PRDM6: variants seen among roughly 807,000 people sequenced by gnomAD.
PRDM6 encodes the protein PR/SET domain 6, also known as putative histone-lysine N-methyltransferase PRDM6.
A neutral mutation model predicts 60.8 loss-of-function variants in PRDM6; 25 were observed. The ratio of observed to expected loss-of-function variants is 0.41; its 90% CI spans 0.30 to 0.57. The LOEUF is 0.57. Ranked by LOEUF, PRDM6 falls within the 20% of genes least tolerant of loss-of-function variation. The pLI is 0.27. For synonymous variants in PRDM6, 407 were observed against 357.4 expected, an observed-to-expected ratio of 1.14 and a Z score of -1.57; for missense variants, 839 against 821.3, an observed-to-expected ratio of 1.02 and a Z score of -0.26.
intron 3 of PRDM6, among the ~76,000 whole-genome samples, chr5:123,119,555 C>G (rs904554989): frequency 1.1e-4 from 17 of 152,152 alleles, no homozygotes; most frequent in African/African-American, 7.2e-5. Context: ...GGCCCTGCCC[C>G]CTCTTGGAAT....
chr5:123,096,280 A>G (rs1003602183), intron 2 of PRDM6, among the ~76,000 whole-genome samples: 1 of 150,418 alleles, frequency 6.6e-6, no homozygotes, highest in Non-Finnish European at 1.5e-5. Context: ...GTGTGTGTAT[A>G]TATAATATAA....
intron 3 of PRDM6, among the ~76,000 whole-genome samples, chr5:123,103,381 A>T (rs558219032): frequency 6.6e-6 from 1 of 152,088 alleles, no homozygotes; most frequent in South Asian, 2.1e-4. Flanking sequence ...TACAAGGTGC[A>T]TCAGACAATG....
intron 3 of PRDM6, among the ~76,000 whole-genome samples, chr5:123,130,280 CCCCTT>C (rs1309357773): frequency 1.1e-5 from 1 of 88,242 alleles, no homozygotes; most frequent in Non-Finnish European, 2.3e-5. Flanking sequence ...CCTTTCCTCT[CCCCTT>C]CCCTTCCCTC....
chr5:123,154,628 G>C (rs116725327), intron 3 of PRDM6, among the ~76,000 whole-genome samples: 1 of 152,304 alleles, frequency 6.6e-6, no homozygotes, highest in African/African-American at 2.4e-5. Context: ...GAACTGCTGA[G>C]CTAAACTAAT....
At chr5:123,153,729 G>A (rs1242940680) in intron 3 of PRDM6, among the ~76,000 whole-genome samples, 12 of 152,084 alleles carry the variant, frequency 7.9e-5, no homozygotes, top group Admixed American at 7.9e-4. Flanking sequence ...AGAGTGTAGG[G>A]GGAAACACTT....
intron 3 of PRDM6, among the ~76,000 whole-genome samples, chr5:123,120,378 G>C (rs917306923): frequency 9.9e-5 from 15 of 152,218 alleles, no homozygotes; most frequent in African/African-American, 3.4e-4. Context: ...ATGATGTGAT[G>C]TTTGTCCTAT....
intron 3 of PRDM6, among the ~76,000 whole-genome samples, chr5:123,110,804 A>T (rs1037966779): frequency 6.6e-6 from 1 of 151,848 alleles, no homozygotes; most frequent in African/African-American, 2.4e-5. Context: ...GACCTCAGTG[A>T]TCTGCCCGCC....
intron 6 of PRDM6, among the ~76,000 whole-genome samples, chr5:123,171,975 A>T (rs1290271015): frequency 6.6e-6 from 1 of 152,234 alleles, no homozygotes; most frequent in African/African-American, 2.4e-5. Flanking sequence ...CTTGATTAAA[A>T]TCCAAGTATC....
intron 4 of PRDM6, 36 bp from the exon 5 acceptor site, chr5:123,159,478 G>A (rs1007576694): frequency 1.3e-4 from 203 of 1,548,344 alleles, no homozygotes; most frequent in Non-Finnish European, 1.6e-4. Context: ...TGAGTCCTAT[G>A]TATTACTAAG....
chr5:123,090,997 C>T (rs1305925860), intron 2 of PRDM6, among the ~76,000 whole-genome samples: 2 of 152,174 alleles, frequency 1.3e-5, no homozygotes, highest in Non-Finnish European at 2.9e-5. Flanking sequence ...CAGGCCCTGC[C>T]TGGCCTTAGC....
intron 5 of PRDM6, among the ~76,000 whole-genome samples, chr5:123,163,501 C>T (rs1765680950): frequency 6.6e-6 from 1 of 152,184 alleles, no homozygotes; most frequent in African/African-American, 2.4e-5. Flanking sequence ...GAGAAGACAG[C>T]AGTTCACACA....
intron 2 of PRDM6, among the ~76,000 whole-genome samples, chr5:123,094,950 G>A (rs1763924819): frequency 6.6e-6 from 1 of 152,224 alleles, no homozygotes; most frequent in African/African-American, 2.4e-5. Context: ...CTTGGTCCCA[G>A]GGTCAAGCCC....
At chr5:123,161,506 T>A (rs778752434) in intron 5 of PRDM6, among the ~76,000 whole-genome samples, 9 of 152,188 alleles carry the variant, frequency 5.9e-5, no homozygotes, top group Non-Finnish European at 1.0e-4. Flanking sequence ...TAAGCTTCAC[T>A]GGGAAGGTGG....
intron 5 of PRDM6, among the ~76,000 whole-genome samples, chr5:123,167,832 G>C (rs1158683037): frequency 6.6e-6 from 1 of 152,156 alleles, no homozygotes; most frequent in Admixed American, 6.5e-5. Context: ...CCACTCTCTT[G>C]CATGTTGATG....
At chr5:123,145,532 T>C (rs886684162) in intron 3 of PRDM6, among the ~76,000 whole-genome samples, 1 of 152,188 alleles carries the variant, frequency 6.6e-6, no homozygotes, top group African/African-American at 2.4e-5. Context: ...AGGAAACCTA[T>C]GGCAAGTAAA....
chr5:123,152,780 G>C (rs1228964854), intron 3 of PRDM6, among the ~76,000 whole-genome samples: 1 of 152,210 alleles, frequency 6.6e-6, no homozygotes, highest in Non-Finnish European at 1.5e-5. Context: ...AGGAAAATAA[G>C]AGCATGGGAG....
intron 3 of PRDM6, among the ~76,000 whole-genome samples, chr5:123,153,079 A>G (rs1765405829): frequency 6.6e-6 from 1 of 152,200 alleles, no homozygotes; most frequent in Admixed American, 6.5e-5. Flanking sequence ...CACAAAAGAA[A>G]TCAGAGGCTG....
At chr5:123,132,735 A>C (rs1246067111) in intron 3 of PRDM6, among the ~76,000 whole-genome samples, 1 of 70,744 alleles carries the variant, frequency 1.4e-5, no homozygotes, top group Non-Finnish European at 3.5e-5. Flanking sequence ...TATCGCTTAG[A>C]AGCACCTTCC....
rs574108881 is a variant in PRDM6 at position 123,090,189 on chromosome 5, C to T, written c.175C>T (p.Pro59Ser). Residue 59 changes from proline (P) to serine (S), a missense_variant, in exon 2 of 8, where the codon CCG (proline) becomes TCG (serine). Pro to Ser is a moderately conservative substitution (Grantham distance 74). Coordinates refer to ENST00000407847, the MANE Select transcript of PRDM6 (RefSeq NM_001136239.4). ...PLQPPPPPPP[P>S]ERAEPPPDSL... ...TCAGCCGCCGCCGCCGCCCCCGCCCCCGGAGCGCGCTGAGCCTCCGCCGGA... is the reference window on the plus strand; with the variant it reads ...TCAGCCGCCGCCGCCGCCCCCGCCCTCGGAGCGCGCTGAGCCTCCGCCGGA... 2.4e-5 allele frequency: 35 copies of T among 1,488,108 alleles called. No individual in the cohort carries two copies. The Admixed American group carries it at 4.0e-4, about 17-fold the overall frequency. The allele number at this position is 1,488,108 out of a possible 1,614,324, so 92.2% of individuals were successfully genotyped here.
Sources: allele counts gnomAD v4.1 joint callset (sites outside exome capture counted in the v4.1 genomes callset), GRCh38; gene constraint gnomAD v4.1.1; transcripts MANE v1.5; gene names NCBI Gene and HGNC (gene_info 2026-07-23, HGNC 2026-07-21).